Variants in ARHGAP42 observed in about 807,000 individuals in gnomAD.
ARHGAP42 encodes the protein Rho GTPase activating protein 42.
In ARHGAP42, 63 loss-of-function variants were observed where a neutral mutation model predicts 125.0. That is an observed-to-expected ratio of 0.50 (90% CI 0.41 to 0.62). The LOEUF (loss-of-function observed/expected upper bound fraction) is 0.62, where lower values mean the gene tolerates loss of function less well. Among genes scored for constraint, ARHGAP42 ranks in the 20% least tolerant of loss-of-function variants. The pLI, the probability that ARHGAP42 is intolerant of heterozygous loss-of-function variation, is 0.00. For missense variants in ARHGAP42, 766 were observed against 1,024.2 expected (o/e 0.75, Z 3.44); for synonymous variants, 339 against 351.0 (o/e 0.97, Z 0.38).
intron 3 of ARHGAP42, among the ~76,000 whole-genome samples, chr11:100,838,123 TG>T (rs1864859572): frequency 6.6e-6 from 1 of 152,024 alleles, no homozygotes; most frequent in African/African-American, 2.4e-5. Context: ...TTGAAAAGTT[TG>T]GGCTAGTTAT....
At chr11:100,733,337 T>C (rs745693349) in intron 1 of ARHGAP42, among the ~76,000 whole-genome samples, 1 of 151,972 alleles carries the variant, frequency 6.6e-6, no homozygotes, top group Non-Finnish European at 1.5e-5. Flanking sequence ...GCTTAATAAA[T>C]GTTAGCTTAA....
At chr11:100,698,172 T>G (rs1259180899) in intron 1 of ARHGAP42, among the ~76,000 whole-genome samples, 1 of 152,200 alleles carries the variant, frequency 6.6e-6, no homozygotes, top group African/African-American at 2.4e-5. Flanking sequence ...ATTACAGGCA[T>G]GAACCACCAC....
chr11:100,867,535 G>A (rs1311568438), intron 4 of ARHGAP42, among the ~76,000 whole-genome samples: 7 of 152,228 alleles, frequency 4.6e-5, no homozygotes. Context: ...CAGCCTTCAT[G>A]GAATTGAAGC....
chr11:100,977,718 C>G lies in ARHGAP42; in HGVS notation c.2393+747C>G, dbSNP rs1455356605. 2.0e-5 allele frequency among the ~76,000 whole-genome samples: 3 copies of G among 152,122 alleles called. No homozygotes were observed. In the East Asian group the frequency reaches 5.8e-4, roughly 29 times the overall value. On this transcript the variant is annotated intron_variant, in intron 21 of 23. Transcript: ENST00000298815. ...TTATCTCTTTTAAGGTCTGCAGTGT[C>G]CTTTGGAAATGGGTAGTATAAACCA...
At chr11:100,850,524 G>A (rs572601538) in intron 3 of ARHGAP42, among the ~76,000 whole-genome samples, 9 of 152,186 alleles carry the variant, frequency 5.9e-5, no homozygotes, top group East Asian at 5.8e-4. Flanking sequence ...CATATATACC[G>A]TGTTGTGGTC....
chr11:100,693,702 C>T (rs1299607748), intron 1 of ARHGAP42, among the ~76,000 whole-genome samples: 3 of 152,156 alleles, frequency 2.0e-5, no homozygotes, highest in African/African-American at 7.2e-5. Context: ...ACTGGCTTAG[C>T]AATAACTACC....
In ARHGAP42 at chr11:100,819,850, G is replaced by A. The variant is rs550627866; in HGVS notation, c.312+24684G>A. ...AACATGAATGGCTTGTGAGGCACTT[G>A]TTTTTCCTCCCTGATATTTAGGAAT... On this transcript the variant is annotated intron_variant, in intron 3 of 23. Coordinates refer to ENST00000298815, the MANE Select transcript of ARHGAP42 (RefSeq NM_152432.4). Among the ~76,000 whole-genome samples the A allele has an allele frequency of 2.0e-5, 3 of 152,072 alleles. No individual in the cohort carries two copies. In the South Asian group the frequency reaches 6.2e-4, roughly 32 times the overall value.
At chr11:100,987,139 A>C (rs571944184) in intron 22 of ARHGAP42, among the ~76,000 whole-genome samples, 1 of 152,192 alleles carries the variant, frequency 6.6e-6, no homozygotes, top group Non-Finnish European at 1.5e-5. Context: ...GTGGGGGAAA[A>C]AAAAGCTTTG....
chr11:100,765,551 T>G (rs1325510313), intron 1 of ARHGAP42, among the ~76,000 whole-genome samples: 2 of 152,178 alleles, frequency 1.3e-5, no homozygotes, highest in Non-Finnish European at 2.9e-5. Flanking sequence ...TAATTTATAT[T>G]AAATGCTTAC....
chr11:100,899,738 T>G, intron 4 of ARHGAP42, among the ~76,000 whole-genome samples: 1 of 150,530 alleles, frequency 6.6e-6, no homozygotes, highest in Non-Finnish European at 1.5e-5. Context: ...TTTTTTGTTT[T>G]TTTTTGCTCT....
chr11:100,844,861 C>T (rs1865024714), intron 3 of ARHGAP42, among the ~76,000 whole-genome samples: 1 of 152,070 alleles, frequency 6.6e-6, no homozygotes, highest in Non-Finnish European at 1.5e-5. Flanking sequence ...CTAGTATAAC[C>T]ACTGTGGAAA....
intron 12 of ARHGAP42, 70 bp downstream of exon 12, chr11:100,950,026 T>C: frequency 3.1e-6 from 3 of 960,104 alleles, no homozygotes; most frequent in Non-Finnish European, 1.5e-6. Context: ...ATTAGGTGAT[T>C]GTAAGTATTC....
intron 4 of ARHGAP42, among the ~76,000 whole-genome samples, chr11:100,862,895 G>A (rs1463576743): frequency 1.3e-5 from 2 of 151,916 alleles, no homozygotes; most frequent in African/African-American, 4.8e-5. Context: ...AAATTAGCCA[G>A]GCGGGGTGGT....
Position 100,975,392 on chromosome 11 carries a change from T to C in ARHGAP42, c.1856-665T>C, listed in dbSNP as rs77615806. Among the ~76,000 whole-genome samples, 1,208 of 152,308 alleles carry C rather than the reference T, an allele frequency of 7.9e-3. 21 individuals are homozygous for C. The highest frequency in any genetic ancestry group is 0.027 in the African/African-American group (1,138 of 41,574). Reference sequence around the variant, plus strand: ...AAAAATAGTTTACTAATTTTTAATTTAGATATATGTGAATGCATTATTATG... The same window carrying C: ...AAAAATAGTTTACTAATTTTTAATTCAGATATATGTGAATGCATTATTATG... On this transcript the variant is annotated intron_variant, in intron 19 of 23. Transcript: ENST00000298815.
chr11:100,774,617 G>T (rs981340984), intron 2 of ARHGAP42, among the ~76,000 whole-genome samples: 2 of 152,182 alleles, frequency 1.3e-5, no homozygotes, highest in African/African-American at 2.4e-5. Context: ...AGTTGGTGGT[G>T]GGAATGGGTA....
chr11:100,714,949 G>A (rs1269386037), intron 1 of ARHGAP42, among the ~76,000 whole-genome samples: 1 of 151,044 alleles, frequency 6.6e-6, no homozygotes, highest in Non-Finnish European at 1.5e-5. Context: ...TCAGGAGCCT[G>A]AGGTGGGAGG....
At chr11:100,907,960 C>G (rs1591286562) in intron 4 of ARHGAP42, among the ~76,000 whole-genome samples, 1 of 152,228 alleles carries the variant, frequency 6.6e-6, no homozygotes, top group Non-Finnish European at 1.5e-5. Flanking sequence ...AATGGCTATG[C>G]TAACATGATA....
intron 19 of ARHGAP42, among the ~76,000 whole-genome samples, chr11:100,975,182 G>T (rs1270957240): frequency 6.6e-6 from 1 of 151,904 alleles, no homozygotes; most frequent in African/African-American, 2.4e-5. Flanking sequence ...ATAGAAAATA[G>T]TCAATTATAT....
At chr11:100,781,600 A>T (rs1863312748) in intron 2 of ARHGAP42, among the ~76,000 whole-genome samples, 3 of 152,206 alleles carry the variant, frequency 2.0e-5, no homozygotes, top group African/African-American at 4.8e-5. Flanking sequence ...TCATTGTGCA[A>T]AACAGAAATA....
Sources: gnomAD v4.1 joint callset for allele counts (sites outside exome capture counted in the v4.1 genomes callset) on GRCh38, gnomAD v4.1.1 for gene constraint, MANE v1.5 for transcripts, NCBI Gene and HGNC (gene_info 2026-07-23, HGNC 2026-07-21) for gene names.